RUSC2: variants seen among roughly 807,000 people sequenced by gnomAD.
RUSC2 encodes RUN and SH3 domain containing 2, also known as AP-4 complex accessory subunit RUSC2.
A neutral mutation model predicts 122.2 loss-of-function variants in RUSC2; 34 were observed. The ratio of observed to expected loss-of-function variants is 0.28; its 90% confidence interval spans 0.21 to 0.37. The LOEUF is 0.37. RUSC2 is among the 10% of genes least tolerant of loss of function. The pLI, the probability that RUSC2 is intolerant of heterozygous loss-of-function variation, is 1.00. For missense variants in RUSC2, 1,747 were observed against 1,952.4 expected, an observed-to-expected ratio of 0.89 and a Z score of 1.98; for synonymous variants, 784 against 790.0, an observed-to-expected ratio of 0.99 and a Z score of 0.13.
intron 1 of RUSC2, among the ~76,000 whole-genome samples, chr9:35,523,054 A>T (rs1450003250): frequency 6.6e-6 from 1 of 152,178 alleles, no homozygotes; most frequent in Non-Finnish European, 1.5e-5. Flanking sequence ...GCTAAAAATT[A>T]CCTTCTTGGA....
rs552984985 is a variant in RUSC2 at position 35,540,824 on chromosome 9, G to A, written c.-92-5606G>A. Among the ~76,000 whole-genome samples the A allele has an allele frequency of 9.2e-5, 14 of 152,300 alleles. No homozygotes were observed. The South Asian group carries it at 1.4e-3, about 16-fold the overall frequency. On this transcript the variant is annotated intron_variant, in intron 1 of 11. Transcript: ENST00000361226. ...CCCCAATCATTTTCTTTGGAAGGCC[G>A]TTGTAGTGGAAATAATTACAAATTG...
Position 35,547,712 on chromosome 9 carries a change from T to C in RUSC2, c.1191T>C (p.Tyr397=). ...TTGTTGTGGCCACACAAAATTACTA[T>C]AAACTTGTCACCTGTGACCTATCTT... is the stretch of plus-strand genomic sequence containing the variant. The part of the protein sequence containing the change: ...ARLVVATQNY[Y]KLVTCDLSSQ... The change falls in exon 2 of 12, where the codon TAT becomes TAC. Residue 397 remains tyrosine (Y), a synonymous_variant. Coordinates refer to ENST00000361226, the MANE Select transcript of RUSC2 (RefSeq NM_014806.5). The surrounding 1 kb of genome is among the most constrained non-coding windows in gnomAD (Gnocchi z 4.6). The C allele has an allele frequency of 6.2e-7, 1 of 1,614,116 alleles. No homozygotes were observed. Among genetic ancestry groups the C allele is most frequent in the African/African-American group, 1.3e-5 (1 of 75,046 alleles).
chr9:35,555,815 G>A lies in RUSC2; in HGVS notation c.2656+114G>A. 1 of 1,461,868 alleles carries A rather than the reference G, an allele frequency of 6.8e-7. No individual in the cohort carries two copies. The highest frequency in any genetic ancestry group is 1.4e-5 in the African/African-American group (1 of 70,854). The allele number at this position is 1,461,868 out of a possible 1,614,324, so 90.6% of individuals were successfully genotyped here. A position where few individuals can be genotyped will look rare whatever the true frequency, so the allele number is the denominator to read the frequency against. On this transcript the variant is annotated intron_variant, in intron 3 of 11. Coordinates refer to ENST00000361226, the MANE Select transcript of RUSC2 (RefSeq NM_014806.5). This position sits in a 1 kb window ranked among gnomAD's most constrained non-coding sequence, Gnocchi z 4.6. ...CCTGGGGCCAGAGGTTAGGATGTCTGCATCCCTCCCTCAGCATCTGTAGAT... is the reference window on the plus strand; with the variant it reads ...CCTGGGGCCAGAGGTTAGGATGTCTACATCCCTCCCTCAGCATCTGTAGAT...
At chr9:35,560,901 A>G (rs750961830) in intron 10 of RUSC2, 50 bp downstream of exon 10, 17 of 1,587,906 alleles carry the variant, frequency 1.1e-5, no homozygotes, top group Non-Finnish European at 1.4e-5. Context: ...GCCTGCTGTA[A>G]GCCAGGGCAC....
chr9:35,559,476 T>C (rs910256854), intron 9 of RUSC2, among the ~76,000 whole-genome samples: 50 of 152,152 alleles, frequency 3.3e-4, no homozygotes, highest in African/African-American at 1.2e-3. Context: ...GGCTCATGCC[T>C]GTAATCCCAG....
At chr9:35,533,452 G>A (rs952386738) in intron 1 of RUSC2, among the ~76,000 whole-genome samples, 2 of 152,098 alleles carry the variant, frequency 1.3e-5, no homozygotes, top group African/African-American at 2.4e-5. Context: ...AACTGCCACT[G>A]TTTTTAACAG....
chr9:35,502,694 G>T (rs1016420262), intron 1 of RUSC2, among the ~76,000 whole-genome samples: 1 of 152,108 alleles, frequency 6.6e-6, no homozygotes, highest in Non-Finnish European at 1.5e-5. Context: ...AGTTCTTAGA[G>T]GCCAAAATTT....
At position 35,512,053 on chromosome 9, in the gene RUSC2, C is replaced by T. The variant is rs562242028; in HGVS notation, c.-93+21881C>T. Among the ~76,000 whole-genome samples, 18 of 152,104 alleles carry T rather than the reference C, an allele frequency of 1.2e-4. No individual in the cohort carries two copies. In the South Asian group the frequency reaches 2.1e-3, roughly 18 times the overall value. On this transcript the variant is annotated intron_variant, in intron 1 of 11. Coordinates refer to ENST00000361226, the MANE Select transcript of RUSC2 (RefSeq NM_014806.5). Reference sequence around the variant, plus strand: ...AAGATTAGCTGGGCGTGGTGGCTGGCGCCTGTAGTCCCAGCTACTCGGGAG... The same window carrying T: ...AAGATTAGCTGGGCGTGGTGGCTGGTGCCTGTAGTCCCAGCTACTCGGGAG...
intron 1 of RUSC2, among the ~76,000 whole-genome samples, chr9:35,530,983 G>A (rs1472391973): frequency 6.6e-6 from 1 of 152,190 alleles, no homozygotes; most frequent in East Asian, 1.9e-4. Context: ...TTTGGGGCTG[G>A]GAGCAGTAGC....
At chr9:35,542,219 CA>C (rs539665392) in intron 1 of RUSC2, among the ~76,000 whole-genome samples, 16 of 152,052 alleles carry the variant, frequency 1.1e-4, no homozygotes, top group Admixed American at 4.6e-4. Context: ...CTCTGAGATA[CA>C]AAAGCATAAA....
rs544797957 is a variant in RUSC2 at position 35,515,999 on chromosome 9, CAAAAA to C, written c.-93+25847_-93+25851del. Among the ~76,000 whole-genome samples the C allele has an allele frequency of 3.6e-3, 171 of 47,190 alleles. 4 individuals carry two copies. Among genetic ancestry groups the C allele is most frequent in the Admixed American group, 0.011 (29 of 2,592 alleles). The allele number at this position is 47,190 out of a possible 152,430, so 31.0% of individuals were successfully genotyped here. On this transcript the variant is annotated intron_variant, in intron 1 of 11. Coordinates refer to ENST00000361226, the MANE Select transcript of RUSC2 (RefSeq NM_014806.5). ...GAGCGACACAGCGAGATTCTTGTCT[CAAAAA>C]AAAAAAAAAAAAAAAAAAAGAGAAA...
rs1822003966 is a variant in RUSC2, at chr9:35,555,786, C to G, written c.2656+85C>G. ...TCCCCTTTGAGTGGTTGCTTACACT[C>G]TCACCTGGGGCCAGAGGTTAGGATG... On this transcript the variant is annotated intron_variant, in intron 3 of 11. Coordinates refer to ENST00000361226, the MANE Select transcript of RUSC2 (RefSeq NM_014806.5). This position sits in a 1 kb window ranked among gnomAD's most constrained non-coding sequence, Gnocchi z 4.6. 2.7e-6 allele frequency: 4 copies of G among 1,496,806 alleles called. No individual in the cohort carries two copies. Among genetic ancestry groups the G allele is most frequent in the African/African-American group, 2.8e-5 (2 of 71,482 alleles). 92.7% of individuals were successfully genotyped at this position (1,496,806 alleles called of 1,614,324 possible).
chr9:35,493,862 G>A (rs1820618650), intron 1 of RUSC2, among the ~76,000 whole-genome samples: 2 of 151,974 alleles, frequency 1.3e-5, no homozygotes, highest in South Asian at 4.2e-4. Context: ...ACTATATTCT[G>A]TTTATTCATC....
rs746182787 is a variant in RUSC2 at position 35,548,286 on chromosome 9, G to A, written c.1765G>A (p.Glu589Lys). Reference sequence around the variant, plus strand: ...GCAAGATCGGGGGGCCCCACTGGATGAGGGCACTTGCTGTAGCCATAGCCT... The same window carrying A: ...GCAAGATCGGGGGGCCCCACTGGATAAGGGCACTTGCTGTAGCCATAGCCT... ...AQQDRGAPLD[E>K]GTCCSHSLPP... Residue 589 changes from glutamate (E) to lysine (K), a missense_variant, in exon 2 of 12, where the codon GAG (glutamate) becomes AAG (lysine). Coordinates refer to ENST00000361226, the MANE Select transcript of RUSC2 (RefSeq NM_014806.5). The surrounding 1 kb of genome is among the most constrained non-coding windows in gnomAD (Gnocchi z 4.5). The A allele has an allele frequency of 5.0e-6, 8 of 1,613,900 alleles. No individual in the cohort carries two copies. The African/African-American group carries it at 8.0e-5, about 16-fold the overall frequency.
At position 35,558,124 on chromosome 9, in the gene RUSC2, C is replaced by T. The variant is rs1275225892; in HGVS notation, c.3061-73C>T. The stretch of plus-strand genomic sequence containing the variant: ...GGAATGGGGACGGCAAGAGGGGAAC[C>T]ATGAGGGCCTGCTACGAGAGGACCA... On this transcript the variant is annotated intron_variant, in intron 6 of 11. Transcript: ENST00000361226. This position sits in a 1 kb window ranked among gnomAD's most constrained non-coding sequence, Gnocchi z 4.3. 2.5e-6 allele frequency: 4 copies of T among 1,591,138 alleles called. No individual in the cohort carries two copies. The African/African-American group carries it at 4.0e-5, about 16-fold the overall frequency.
Position 35,559,278 on chromosome 9 carries a change from G to T in RUSC2, c.3388+6G>T. 6.2e-7 allele frequency: 1 copy of T among 1,611,166 alleles called. No individual in the cohort carries two copies. The highest frequency in any genetic ancestry group is 8.5e-7 in the Non-Finnish European group (1 of 1,177,318). On this transcript the variant is annotated splice_donor_region_variant and intron_variant, in intron 9 of 11. Transcript: ENST00000361226. ...TCACCTCTATAACCACGAAGGTAAT[G>T]CCTAGAACCCTGCAGGTCAAACTCA...
Position 35,547,035 on chromosome 9 carries a change from C to A in RUSC2, c.514C>A (p.Gln172Lys). Residue 172 changes from glutamine to lysine, a missense_variant, in exon 2 of 12, where the codon CAG becomes AAG. Physicochemically the swap from Gln to Lys is moderately conservative, Grantham distance 53. Coordinates refer to ENST00000361226, the MANE Select transcript of RUSC2 (RefSeq NM_014806.5). This position sits in a 1 kb window ranked among gnomAD's most constrained non-coding sequence, Gnocchi z 4.6. ...TRSRAGVVEG[Q>K]EQEPVMTLDT... ...CAGTCGGGCTGGAGTGGTGGAAGGG[C>A]AGGAACAGGAGCCAGTGATGACCTT... is the stretch of plus-strand genomic sequence containing the variant. 6.2e-7 allele frequency: 1 copy of A among 1,609,536 alleles called. No homozygotes were observed. The highest frequency in any genetic ancestry group is 8.5e-7 in the Non-Finnish European group (1 of 1,177,272).
chr9:35,541,636 AG>A (rs1313614506), intron 1 of RUSC2, among the ~76,000 whole-genome samples: 5 of 152,008 alleles, frequency 3.3e-5, no homozygotes, highest in Admixed American at 6.6e-5. Flanking sequence ...CAGTAAAGAC[AG>A]GGTTTCACCA....
In RUSC2 at chr9:35,561,340, G is replaced by C. The variant is rs1218362661; in HGVS notation, c.4509G>C (p.Leu1503Phe). 9 of 1,614,026 alleles carry C rather than the reference G, an allele frequency of 5.6e-6. No homozygotes were observed. The highest frequency in any genetic ancestry group is 7.6e-6 in the Non-Finnish European group (9 of 1,179,974). The change falls in exon 12 of 12, where the codon TTG becomes TTC. Residue 1503 changes from leucine to phenylalanine, a missense_variant. Leu to Phe is a conservative substitution (Grantham distance 22). Transcript: ENST00000361226. ...SGLVPLAYVT[L>F]TPTPSPTPGS... ...TGGTGCCCCTGGCCTACGTGACATT[G>C]ACCCCAACTCCAAGTCCAACCCCTG...
Sources: allele counts gnomAD v4.1 joint callset (sites outside exome capture counted in the v4.1 genomes callset), GRCh38; gene constraint gnomAD v4.1.1; non-coding constraint Gnocchi (gnomAD v3.1); transcripts MANE v1.5; gene names NCBI Gene and HGNC (gene_info 2026-07-23, HGNC 2026-07-21).